FNDC3A: variants seen among roughly 807,000 people sequenced by gnomAD.
FNDC3A encodes fibronectin type III domain containing 3A, also known as fibronectin type-III domain-containing protein 3A.
Under a neutral mutation model 148.9 loss-of-function variants are expected in FNDC3A, and 32 were observed. The observed-to-expected ratio is 0.21, with a 90% CI of 0.16 to 0.29. The LOEUF (loss-of-function observed/expected upper bound fraction) is 0.29. Ranked by LOEUF, FNDC3A falls within the 10% of genes least tolerant of loss-of-function variation. FNDC3A has a pLI of 1.00. For synonymous variants in FNDC3A, 472 were observed against 473.6 expected (o/e 1.00, Z 0.04); for missense variants, 1,191 against 1,452.8 (o/e 0.82, Z 2.93).
chr13:49,089,948 A>G (rs1032688564), intron 3 of FNDC3A, among the ~76,000 whole-genome samples: 7 of 152,138 alleles, frequency 4.6e-5, no homozygotes, highest in Admixed American at 4.6e-4. Context: ...GCTTGTATGG[A>G]GGTGCTGCTC....
intron 8 of FNDC3A, among the ~76,000 whole-genome samples, chr13:49,151,662 G>C (rs1261560579): frequency 6.6e-6 from 1 of 151,992 alleles, no homozygotes; most frequent in East Asian, 1.9e-4. Context: ...TGCCATGTTG[G>C]TGTGCTGCAC....
At chr13:49,040,771 C>T (rs2137685124) in intron 2 of FNDC3A, among the ~76,000 whole-genome samples, 1 of 152,268 alleles carries the variant, frequency 6.6e-6, no homozygotes, top group South Asian at 2.1e-4. Context: ...CAAATAGAGA[C>T]ATCAATGATA....
chr13:49,163,421 G>C (rs748094001), intron 8 of FNDC3A, among the ~76,000 whole-genome samples: 3 of 152,230 alleles, frequency 2.0e-5, no homozygotes, highest in Non-Finnish European at 4.4e-5. Context: ...GGCTCTGTGG[G>C]CGTGGGACCC....
At chr13:49,012,552 A>G (rs1009644219) in intron 2 of FNDC3A, among the ~76,000 whole-genome samples, 5 of 151,828 alleles carry the variant, frequency 3.3e-5, no homozygotes, top group African/African-American at 1.2e-4. Flanking sequence ...TTATCAATAC[A>G]CACACACACA....
At chr13:49,180,083 G>A (rs1885228810) in intron 14 of FNDC3A, among the ~76,000 whole-genome samples, 1 of 152,080 alleles carries the variant, frequency 6.6e-6, no homozygotes, top group Non-Finnish European at 1.5e-5. Context: ...CTGTATCTCT[G>A]TATTTTTAAA....
At chr13:49,185,921 G>A (rs1391661299) in intron 14 of FNDC3A, 43 bp from the exon 15 acceptor site, 8 of 1,484,960 alleles carry the variant, frequency 5.4e-6, no homozygotes, top group South Asian at 2.3e-5. Flanking sequence ...AGTATCATTA[G>A]GTATCAAGTG....
chr13:49,196,735 A>G, intron 19 of FNDC3A, 142 bp from the exon 20 acceptor site: 1 of 483,414 alleles, frequency 2.1e-6, no homozygotes, highest in Non-Finnish European at 3.7e-6. Flanking sequence ...AGTTAATGTG[A>G]ATACTTATAG....
intron 10 of FNDC3A, 71 bp from the exon 11 acceptor site, chr13:49,171,972 A>G: frequency 1.9e-6 from 2 of 1,040,440 alleles, no homozygotes; most frequent in Non-Finnish European, 2.9e-6. Flanking sequence ...AGATCCTTAT[A>G]TTAGATCATC....
At chr13:49,047,816 C>G (rs1347168782) in intron 2 of FNDC3A, among the ~76,000 whole-genome samples, 1 of 152,022 alleles carries the variant, frequency 6.6e-6, no homozygotes, top group Non-Finnish European at 1.5e-5. Context: ...ATCTATTAAC[C>G]CTTATTTTTA....
intron 10 of FNDC3A, among the ~76,000 whole-genome samples, chr13:49,170,099 G>A (rs762856750): frequency 2.4e-4 from 37 of 152,096 alleles, no homozygotes; most frequent in Non-Finnish European, 3.8e-4. Flanking sequence ...AGATGTAGGT[G>A]GTGGTACCTC....
At chr13:49,108,129 A>G (rs1880318578) in intron 3 of FNDC3A, among the ~76,000 whole-genome samples, 1 of 152,212 alleles carries the variant, frequency 6.6e-6, no homozygotes, top group African/African-American at 2.4e-5. Context: ...AATAAGTTCC[A>G]GGATGTATCT....
chr13:49,110,536 T>C, intron 3 of FNDC3A: 1 of 712,164 alleles, frequency 1.4e-6, no homozygotes, highest in Non-Finnish European at 2.5e-6. Flanking sequence ...TTTAAATTGT[T>C]GCCATGTAAA....
chr13:49,094,539 A>G (rs1740645655), intron 3 of FNDC3A, among the ~76,000 whole-genome samples: 1 of 152,104 alleles, frequency 6.6e-6, no homozygotes, highest in Non-Finnish European at 1.5e-5. Flanking sequence ...CCATTACTTT[A>G]TGTAAATAAT....
chr13:49,117,038 A>G (rs1413080973), intron 4 of FNDC3A, among the ~76,000 whole-genome samples: 1 of 152,176 alleles, frequency 6.6e-6, no homozygotes, highest in Non-Finnish European at 1.5e-5. Context: ...ATAGAAGGGA[A>G]TGAGGTAAGA....
intron 12 of FNDC3A, 31 bp downstream of exon 12, chr13:49,174,590 A>G (rs1368920147): frequency 1.3e-6 from 2 of 1,554,562 alleles, no homozygotes; most frequent in Admixed American, 1.9e-5. Context: ...GAATGTAAAT[A>G]TTTTTAGATT....
At position 49,158,485 on chromosome 13, in the gene FNDC3A, G is replaced by A. The variant is rs188416749; in HGVS notation, c.978-8759G>A. ...AATGCAGAAATCACCAGTCTTCTGC[G>A]TCGCTCACGCTGGGAGCTGTAGACC... On this transcript the variant is annotated intron_variant, in intron 8 of 25. Transcript: ENST00000492622. 4.9e-3 allele frequency among the ~76,000 whole-genome samples: 749 copies of A among 152,298 alleles called. 10 individuals are homozygous for A. Among genetic ancestry groups the A allele is most frequent in the African/African-American group, 0.016 (685 of 41,582 alleles).
intron 1 of FNDC3A, among the ~76,000 whole-genome samples, chr13:48,977,282 G>A (rs533065072): frequency 6.6e-6 from 1 of 152,078 alleles, no homozygotes; most frequent in African/African-American, 2.4e-5. Flanking sequence ...GTGTTTTTTA[G>A]TTCTTGAAAC....
chr13:49,160,353 G>T (rs572869050), intron 8 of FNDC3A, among the ~76,000 whole-genome samples: 9 of 152,210 alleles, frequency 5.9e-5, no homozygotes, highest in Non-Finnish European at 1.3e-4. Context: ...TTGGGAGGGT[G>T]TATGTGTCCA....
At chr13:48,996,656 C>G (rs1952029318) in intron 1 of FNDC3A, among the ~76,000 whole-genome samples, 1 of 152,084 alleles carries the variant, frequency 6.6e-6, no homozygotes, top group African/African-American at 2.4e-5. Context: ...GAATCAATCC[C>G]CTGTAGAAAC....
Sources: allele counts gnomAD v4.1 joint callset (sites outside exome capture counted in the v4.1 genomes callset), GRCh38; gene constraint gnomAD v4.1.1; transcripts MANE v1.5; gene names NCBI Gene and HGNC (gene_info 2026-07-23, HGNC 2026-07-21).